ZDHHC11B: variants seen among roughly 807,000 people sequenced by gnomAD.
The protein encoded by ZDHHC11B is zDHHC palmitoyltransferase 11B (putative), also known as probable palmitoyltransferase ZDHHC11B.
ZDHHC11B carries 17 observed loss-of-function variants against 42.3 expected under a neutral mutation model. The ratio of observed to expected loss-of-function variants is 0.40; its 90% CI spans 0.27 to 0.60. ZDHHC11B has a LOEUF of 0.60. Among genes scored for constraint, ZDHHC11B ranks in the 20% least tolerant of loss-of-function variants. ZDHHC11B has a pLI of 0.41. For synonymous variants in ZDHHC11B, 123 were observed against 193.5 expected (o/e 0.64, Z 3.02); for missense variants, 262 against 463.2 (o/e 0.57, Z 3.99).
chr5:761,074 C>T (rs1248352015), intron 4 of ZDHHC11B, among the ~76,000 whole-genome samples: 3 of 151,836 alleles, frequency 2.0e-5, no homozygotes, highest in African/African-American at 7.3e-5. Context: ...TCGCAACATG[C>T]CCAGAACCTC....
At chr5:762,372 A>C (rs1203147401) in intron 4 of ZDHHC11B, among the ~76,000 whole-genome samples, 1 of 151,908 alleles carries the variant, frequency 6.6e-6, no homozygotes, top group Non-Finnish European at 1.5e-5. Flanking sequence ...GCCCAGGATG[A>C]GTGTATGCCA....
intron 6 of ZDHHC11B, 109 bp from the exon 7 acceptor site, chr5:751,366 G>A (rs1186685826): frequency 1.2e-5 from 2 of 166,116 alleles, no homozygotes; most frequent in East Asian, 1.7e-4. Context: ...GGGTGGGCAG[G>A]GGCGGGCGTG....
chr5:764,344 C>T (rs562325446), intron 4 of ZDHHC11B, among the ~76,000 whole-genome samples: 18 of 149,922 alleles, frequency 1.2e-4, no homozygotes, highest in African/African-American at 2.4e-4. Flanking sequence ...CTGGGCTGGC[C>T]GAGGCCAGAG....
chr5:758,354 A>G (rs1478665620), intron 4 of ZDHHC11B, among the ~76,000 whole-genome samples: 2 of 151,800 alleles, frequency 1.3e-5, no homozygotes, highest in African/African-American at 4.8e-5. Flanking sequence ...CAGGCTGAGG[A>G]TGCCCTCCCA....
intron 13 of ZDHHC11B, among the ~76,000 whole-genome samples, chr5:714,857 C>T (rs866236730): frequency 0.013 from 1,883 of 150,154 alleles, 1 homozygote; most frequent in African/African-American, 0.045. Context: ...CCCCTATGAA[C>T]AGATTAATGC....
intron 1 of ZDHHC11B, among the ~76,000 whole-genome samples, chr5:773,176 C>A (rs1226527830): frequency 6.6e-6 from 1 of 151,864 alleles, no homozygotes; most frequent in Non-Finnish European, 1.5e-5. Flanking sequence ...GACAACGAGC[C>A]TGGGCGGGCG....
At chr5:777,089 C>T (rs1416975082) in intron 1 of ZDHHC11B, among the ~76,000 whole-genome samples, 4 of 151,890 alleles carry the variant, frequency 2.6e-5, no homozygotes, top group Non-Finnish European at 4.4e-5. Flanking sequence ...TGCGGAGCCC[C>T]GCAGTGAGTG....
chr5:720,144 AG>A (rs1742075244), intron 12 of ZDHHC11B, among the ~76,000 whole-genome samples: 1 of 151,710 alleles, frequency 6.6e-6, no homozygotes, highest in Non-Finnish European at 1.5e-5. Flanking sequence ...ATCTAATTAA[AG>A]GAATGAATCT....
intron 4 of ZDHHC11B, among the ~76,000 whole-genome samples, chr5:759,100 G>A (rs570562352): frequency 6.6e-6 from 1 of 152,050 alleles, no homozygotes; most frequent in South Asian, 2.1e-4. Context: ...AGTAAAAGAA[G>A]TAGAGTAAGT....
chr5:777,904 C>CCGGGG lies in ZDHHC11B; in HGVS notation c.-230+6759_-230+6763dup, dbSNP rs1250624320. 2.6e-5 allele frequency among the ~76,000 whole-genome samples: 4 copies of CCGGGG among 151,238 alleles called. No homozygotes were observed. In the East Asian group the frequency reaches 7.7e-4, roughly 29 times the overall value. On this transcript the variant is annotated intron_variant, in intron 1 of 13. Coordinates refer to ENST00000508859, the MANE Select transcript of ZDHHC11B (RefSeq NM_001351303.2). Reference sequence around the variant, plus strand: ...CGGGAGGCCCCAGCACCGAGGGAGCCCGGGGCGGGGGAGGGGGGGCGTGGC... The same window carrying CCGGGG: ...CGGGAGGCCCCAGCACCGAGGGAGCCCGGGGCGGGGCGGGGGAGGGGGGGCGTGGC...
At chr5:730,264 G>A (rs1045541440) in intron 12 of ZDHHC11B, among the ~76,000 whole-genome samples, 170 bp downstream of exon 12, 1 of 151,854 alleles carries the variant, frequency 6.6e-6, no homozygotes, top group Admixed American at 6.6e-5. Context: ...AGTAAGATCA[G>A]TGCAATAAGC....
chr5:752,318 G>A (rs1174847808), intron 6 of ZDHHC11B, among the ~76,000 whole-genome samples: 2 of 93,468 alleles, frequency 2.1e-5, no homozygotes, highest in Non-Finnish European at 4.9e-5. Context: ...GTGCAAATCT[G>A]AGCCAAAAGC....
intron 12 of ZDHHC11B, among the ~76,000 whole-genome samples, chr5:722,185 C>G (rs1435165762): frequency 5.9e-5 from 9 of 151,838 alleles, no homozygotes; most frequent in Non-Finnish European, 1.5e-5. Context: ...AAAAGCATTA[C>G]TTATACAATA....
At chr5:733,628 GCA>G (rs1231735856) in intron 11 of ZDHHC11B, 122 bp downstream of exon 11, 1 of 828,868 alleles carries the variant, frequency 1.2e-6, no homozygotes, top group African/African-American at 1.7e-5. Flanking sequence ...CATGTGAGCA[GCA>G]CCCTTGGACA....
intron 12 of ZDHHC11B, among the ~76,000 whole-genome samples, chr5:723,287 T>G (rs1742326608): frequency 7.0e-6 from 1 of 143,636 alleles, no homozygotes; most frequent in African/African-American, 2.6e-5. Flanking sequence ...CACCATTCAC[T>G]GGGCATCCCA....
chr5:732,922 T>C (rs1743135781), intron 11 of ZDHHC11B, among the ~76,000 whole-genome samples: 1 of 151,806 alleles, frequency 6.6e-6, no homozygotes, highest in Non-Finnish European at 1.5e-5. Context: ...CTGGGTGTGG[T>C]GGCACACACC....
At chr5:748,361 A>C (rs754334220) in intron 8 of ZDHHC11B, 43 bp downstream of exon 8, 1 of 1,070,436 alleles carries the variant, frequency 9.3e-7, no homozygotes, top group African/African-American at 1.6e-5. Flanking sequence ...AGCTCTGACC[A>C]ACCAGGCTTG....
intron 1 of ZDHHC11B, among the ~76,000 whole-genome samples, chr5:778,295 C>A (rs1736709742): frequency 6.6e-6 from 1 of 151,594 alleles, no homozygotes; most frequent in African/African-American, 2.4e-5. Flanking sequence ...ATGTCGGAGA[C>A]TCGGCGGCTG....
chr5:720,469 G>C (rs1463382828), intron 12 of ZDHHC11B, among the ~76,000 whole-genome samples: 5 of 151,764 alleles, frequency 3.3e-5, no homozygotes, highest in Admixed American at 6.6e-5. Context: ...GACATTCTCA[G>C]ATAGACAAAA....
Sources: gnomAD v4.1 joint callset for allele counts (sites outside exome capture counted in the v4.1 genomes callset) on GRCh38, gnomAD v4.1.1 for gene constraint, MANE v1.5 for transcripts, NCBI Gene and HGNC (gene_info 2026-07-23, HGNC 2026-07-21) for gene names.